Variants in VWA8 observed in about 807,000 individuals in gnomAD.
VWA8 encodes the protein von Willebrand factor A domain-containing protein 8.
A neutral mutation model predicts 241.5 loss-of-function variants in VWA8; 221 were observed. The ratio of observed to expected loss-of-function variants is 0.91; its 90% CI spans 0.82 to 1.02. The LOEUF (loss-of-function observed/expected upper bound fraction) is 1.02, where lower values mean the gene tolerates loss of function less well. VWA8 is among the 50% of genes least tolerant of loss of function. The pLI is 0.00. For missense variants in VWA8, 2,322 were observed against 2,328.7 expected, an observed-to-expected ratio of 1.00 and a Z score of 0.06; for synonymous variants, 852 against 827.1, an observed-to-expected ratio of 1.03 and a Z score of -0.52.
intron 2 of VWA8, among the ~76,000 whole-genome samples, chr13:41,949,477 G>A (rs1878020712): frequency 6.6e-6 from 1 of 152,132 alleles, no homozygotes; most frequent in African/African-American, 2.4e-5. Flanking sequence ...GCCTGTCAGG[G>A]GGTAGGGGGC....
chr13:41,884,143 T>C (rs972490301), intron 8 of VWA8, among the ~76,000 whole-genome samples: 9 of 152,192 alleles, frequency 5.9e-5, no homozygotes, highest in African/African-American at 1.9e-4. Context: ...TCCTAATTCT[T>C]AGAAGTTGCA....
At chr13:41,821,851 C>T (rs773889888) in intron 14 of VWA8, among the ~76,000 whole-genome samples, 1 of 152,002 alleles carries the variant, frequency 6.6e-6, no homozygotes, top group Non-Finnish European at 1.5e-5. Flanking sequence ...TATCAATGTA[C>T]GTAACAACAT....
Position 41,611,575 on chromosome 13 carries a change from C to T in VWA8, c.4877+1G>A. On this transcript the variant is annotated splice_donor_variant, in intron 39 of 44. Transcript: ENST00000379310. LOFTEE classifies it high-confidence loss of function. The stretch of plus-strand genomic sequence containing the variant: ...GGTCTAAATGTGATGGGAGCACTGA[C>T]CTCTGCTGGAATGCTCTCTGGCCCA... The T allele has an allele frequency of 6.2e-7, 1 of 1,613,906 alleles. No homozygotes were observed.
intron 3 of VWA8, among the ~76,000 whole-genome samples, chr13:41,909,511 T>C (rs1036562379): frequency 2.0e-5 from 3 of 152,230 alleles, no homozygotes; most frequent in Non-Finnish European, 2.9e-5. Flanking sequence ...CAGGTATTAC[T>C]TCTTGCTTCT....
chr13:41,712,204 T>C (rs1431104239), intron 26 of VWA8, among the ~76,000 whole-genome samples: 1 of 152,148 alleles, frequency 6.6e-6, no homozygotes, highest in Non-Finnish European at 1.5e-5. Flanking sequence ...TGACTATACT[T>C]AGCAATAACA....
At chr13:41,701,766 C>T (rs890483172) in intron 27 of VWA8, among the ~76,000 whole-genome samples, 2 of 152,184 alleles carry the variant, frequency 1.3e-5, no homozygotes, top group African/African-American at 4.8e-5. Flanking sequence ...TTTTTACTCA[C>T]AAAATATACC....
At chr13:41,685,508 C>T (rs375336057) in intron 34 of VWA8, among the ~76,000 whole-genome samples, 1 of 152,118 alleles carries the variant, frequency 6.6e-6, no homozygotes, top group Admixed American at 6.6e-5. Context: ...ATACAAAAAT[C>T]AGCCAGACAT....
intron 14 of VWA8, among the ~76,000 whole-genome samples, chr13:41,826,715 A>AAAAAC (rs568359899): frequency 1.9e-3 from 283 of 152,056 alleles, no homozygotes; most frequent in Non-Finnish European, 3.2e-3. Flanking sequence ...AAAAAATGGG[A>AAAAAC]AAAACAAAAC....
intron 37 of VWA8, among the ~76,000 whole-genome samples, chr13:41,635,481 A>T (rs12854648): frequency 0.065 from 9,959 of 152,274 alleles, 618 homozygotes; most frequent in African/African-American, 0.16. Flanking sequence ...AAGATAAAGC[A>T]TTAAGTGACT....
chr13:41,799,107 CAA>C (rs925042150), intron 17 of VWA8, among the ~76,000 whole-genome samples: 4 of 151,940 alleles, frequency 2.6e-5, no homozygotes, highest in African/African-American at 9.7e-5. Context: ...TTGATAGTCT[CAA>C]ATTGTTCTAT....
intron 19 of VWA8, among the ~76,000 whole-genome samples, chr13:41,783,335 T>C (rs569073741): frequency 9.2e-5 from 14 of 151,750 alleles, no homozygotes; most frequent in Non-Finnish European, 1.6e-4. Flanking sequence ...GTTTTCTGTC[T>C]TATGTCTTAA....
At chr13:41,738,869 C>T (rs1281412494) in intron 21 of VWA8, among the ~76,000 whole-genome samples, 3 of 152,076 alleles carry the variant, frequency 2.0e-5, no homozygotes, top group African/African-American at 7.2e-5. Context: ...TACAAAGATG[C>T]ACACACAGAT....
intron 2 of VWA8, among the ~76,000 whole-genome samples, chr13:41,918,018 T>C (rs993235655): frequency 6.6e-6 from 1 of 152,214 alleles, no homozygotes; most frequent in African/African-American, 2.4e-5. Context: ...TTAGATATAA[T>C]GGACATGAAG....
rs150658370 is a variant in VWA8 at position 41,744,088 on chromosome 13, A to C, written c.2427-11933T>G. 1.5e-4 allele frequency among the ~76,000 whole-genome samples: 23 copies of C among 152,238 alleles called. No individual in the cohort carries two copies. The East Asian group carries it at 3.3e-3, about 22-fold the overall frequency. On this transcript the variant is annotated intron_variant, in intron 21 of 44. Coordinates refer to ENST00000379310, the MANE Select transcript of VWA8 (RefSeq NM_015058.2). The stretch of plus-strand genomic sequence containing the variant: ...ATGACTTAGAGATATGAGGGTGAAA[A>C]AGGCTGGCACTCTTGCTTCCAGGTG...
chr13:41,886,731 C>A, intron 7 of VWA8, 50 bp downstream of exon 7: 1 of 1,452,452 alleles, frequency 6.9e-7, no homozygotes, highest in African/African-American at 1.4e-5. Flanking sequence ...AATGAACAGG[C>A]AAAACAAATT....
At chr13:41,797,291 C>T (rs1869749419) in intron 17 of VWA8, among the ~76,000 whole-genome samples, 1 of 151,946 alleles carries the variant, frequency 6.6e-6, no homozygotes, top group Admixed American at 6.6e-5. Flanking sequence ...CCACCCACCT[C>T]GGCCTCCCAA....
intron 2 of VWA8, among the ~76,000 whole-genome samples, chr13:41,913,691 A>G (rs1159197238): frequency 2.0e-5 from 3 of 152,358 alleles, no homozygotes; most frequent in Admixed American, 2.0e-4. Context: ...GATCAAGGAC[A>G]AGGTTTTGGG....
chr13:41,702,246 G>T (rs2045254960), intron 27 of VWA8, among the ~76,000 whole-genome samples: 1 of 151,652 alleles, frequency 6.6e-6, no homozygotes, highest in Non-Finnish European at 1.5e-5. Flanking sequence ...AAAATGTTTG[G>T]ACTAGATATT....
rs532856310 is a variant in VWA8, at chr13:41,926,953, A to G, written c.242-14785T>C. 1.7e-5 allele frequency: 9 copies of G among 527,634 alleles called. No individual in the cohort carries two copies. The East Asian group carries it at 2.0e-4, about 12-fold the overall frequency. The allele number at this position is 527,634 out of a possible 1,614,324, so 32.7% of individuals were successfully genotyped here. On this transcript the variant is annotated intron_variant, in intron 2 of 44. Transcript: ENST00000379310. ...GAGTTCCTGGAAATGATTTGCATCA[A>G]TCCTACATTAATCTGTGATCATCCA...
Sources: allele counts gnomAD v4.1 joint callset (sites outside exome capture counted in the v4.1 genomes callset), GRCh38; gene constraint gnomAD v4.1.1; transcripts MANE v1.5; gene names NCBI Gene and HGNC (gene_info 2026-07-23, HGNC 2026-07-21).